FHIT: variants seen among roughly 807,000 people sequenced by gnomAD.
FHIT encodes the protein bis(5'-adenosyl)-triphosphatase.
Under a neutral mutation model 17.9 loss-of-function variants are expected in FHIT, and 19 were observed. The ratio of observed to expected loss-of-function variants is 1.06; its 90% CI spans 0.74 to 1.56. The LOEUF is 1.56. Ranked by LOEUF, FHIT falls within the 40% of genes most tolerant of loss-of-function variation. FHIT has a pLI of 0.00. For synonymous variants in FHIT, 81 were observed against 69.7 expected, an observed-to-expected ratio of 1.16 and a Z score of -0.81; for missense variants, 248 against 189.2, an observed-to-expected ratio of 1.31 and a Z score of -1.82.
rs1576537696 is a variant in FHIT at position 60,361,615 on chromosome 3, G to A, written c.103+175245C>T. 2.0e-5 allele frequency among the ~76,000 whole-genome samples: 3 copies of A among 152,234 alleles called. No homozygotes were observed. In the South Asian group the frequency reaches 6.2e-4, roughly 32 times the overall value. On this transcript the variant is annotated intron_variant, in intron 5 of 9. Transcript: ENST00000492590. ...GGCAACTACTGAGTCAGTTATGTAG[G>A]TAAAGGGGTAGAGATTCAAGAATCA...
chr3:60,058,205 C>A (rs1037427548), intron 5 of FHIT, among the ~76,000 whole-genome samples: 2 of 134,992 alleles, frequency 1.5e-5, no homozygotes, highest in African/African-American at 5.6e-5. Flanking sequence ...AGTGGCTCGA[C>A]TCGATCTCGG....
intron 4 of FHIT, among the ~76,000 whole-genome samples, chr3:60,611,425 A>G (rs547615877): frequency 6.6e-6 from 1 of 152,312 alleles, no homozygotes; most frequent in South Asian, 2.1e-4. Flanking sequence ...TTTATAACCT[A>G]CAGCTCAAGG....
At chr3:60,021,426 C>T (rs1441849719) in intron 5 of FHIT, among the ~76,000 whole-genome samples, 2 of 152,160 alleles carry the variant, frequency 1.3e-5, no homozygotes, top group African/African-American at 4.8e-5. Context: ...GGTACAGATT[C>T]TTTGGTTGAA....
chr3:61,210,055 G>C (rs1348791045), intron 1 of FHIT, among the ~76,000 whole-genome samples: 1 of 152,234 alleles, frequency 6.6e-6, no homozygotes, highest in African/African-American at 2.4e-5. Context: ...CTGCAGGTCT[G>C]TTGGAGTTTC....
At chr3:59,848,121 G>T (rs377149494) in intron 8 of FHIT, among the ~76,000 whole-genome samples, 1 of 152,064 alleles carries the variant, frequency 6.6e-6, no homozygotes, top group African/African-American at 2.4e-5. Context: ...TTTGCCCACC[G>T]TGGCTCCCAC....
intron 5 of FHIT, among the ~76,000 whole-genome samples, chr3:60,170,235 G>C (rs916402907): frequency 3.3e-5 from 5 of 152,062 alleles, no homozygotes; most frequent in African/African-American, 1.2e-4. Context: ...CAAGTGGCTG[G>C]GCAACTGTCC....
At chr3:60,504,439 A>T (rs920243954) in intron 5 of FHIT, among the ~76,000 whole-genome samples, 4 of 152,130 alleles carry the variant, frequency 2.6e-5, no homozygotes. Context: ...TCAAAAAAAA[A>T]AAAATTTTTT....
chr3:60,038,901 C>T (rs1158573717), intron 5 of FHIT, among the ~76,000 whole-genome samples: 1 of 152,146 alleles, frequency 6.6e-6, no homozygotes, highest in African/African-American at 2.4e-5. Flanking sequence ...TAACAAACTA[C>T]CCTAAAACTA....
chr3:60,949,647 G>T (rs1708792554), intron 3 of FHIT, among the ~76,000 whole-genome samples: 1 of 152,072 alleles, frequency 6.6e-6, no homozygotes, highest in African/African-American at 2.4e-5. Flanking sequence ...AAGATATTTT[G>T]CATCTTGCAG....
intron 1 of FHIT, among the ~76,000 whole-genome samples, chr3:61,202,644 C>G (rs1244689977): frequency 1.3e-5 from 2 of 151,986 alleles, no homozygotes; most frequent in Non-Finnish European, 2.9e-5. Context: ...TGCATACTTT[C>G]ATATATCAGA....
rs980405593 is a variant in FHIT at position 60,387,547 on chromosome 3, G to A, written c.103+149313C>T. Among the ~76,000 whole-genome samples, 43 of 152,026 alleles carry A rather than the reference G, an allele frequency of 2.8e-4. 1 individual carries two copies. The highest frequency in any genetic ancestry group is 2.8e-3 in the Admixed American group (42 of 15,256). On this transcript the variant is annotated intron_variant, in intron 5 of 9. Transcript: ENST00000492590. ...ATTTAACACAAGTCAAAAGCATTTG[G>A]AAACAATAATCATCATCCTGAATTC...
intron 4 of FHIT, among the ~76,000 whole-genome samples, chr3:60,757,993 C>T (rs1007649849): frequency 5.9e-5 from 9 of 152,168 alleles, no homozygotes; most frequent in Non-Finnish European, 1.0e-4. Flanking sequence ...TGGACTACGG[C>T]CCAGGGCTCT....
At chr3:59,904,410 T>A (rs1704488166) in intron 8 of FHIT, among the ~76,000 whole-genome samples, 1 of 152,062 alleles carries the variant, frequency 6.6e-6, no homozygotes, top group Non-Finnish European at 1.5e-5. Context: ...ATCAAAATCT[T>A]CCACCTCAAC....
chr3:60,339,870 C>A (rs1260859517), intron 5 of FHIT, among the ~76,000 whole-genome samples: 1 of 152,102 alleles, frequency 6.6e-6, no homozygotes, highest in African/African-American at 2.4e-5. Context: ...TTCTCCTGAA[C>A]CATTGCAGAC....
At chr3:61,177,943 T>C (rs1391465267) in intron 2 of FHIT, among the ~76,000 whole-genome samples, 1 of 152,190 alleles carries the variant, frequency 6.6e-6, no homozygotes, top group Admixed American at 6.5e-5. Context: ...TTCTGGGTTT[T>C]TTTTCCTTCT....
intron 3 of FHIT, among the ~76,000 whole-genome samples, chr3:60,995,569 AC>A (rs2030612929): frequency 1.3e-5 from 2 of 152,062 alleles, no homozygotes; most frequent in African/African-American, 4.8e-5. Flanking sequence ...CTCTCCCCAG[AC>A]CGTGACCTGG....
At chr3:59,817,804 T>C (rs1002779109) in intron 8 of FHIT, among the ~76,000 whole-genome samples, 2 of 152,064 alleles carry the variant, frequency 1.3e-5, no homozygotes, top group Non-Finnish European at 2.9e-5. Flanking sequence ...AGAAAAAACA[T>C]TCTCATATTT....
chr3:60,435,734 A>T (rs1274421392), intron 5 of FHIT, among the ~76,000 whole-genome samples: 2 of 152,070 alleles, frequency 1.3e-5, no homozygotes, highest in African/African-American at 4.8e-5. Context: ...GGTTTGTTGT[A>T]CAGATTATTT....
Position 60,569,755 on chromosome 3 carries a change from A to ATATATATATATATATATAT in FHIT, c.-17-32777_-17-32776insATATATATATATATATATA. 1.2e-3 allele frequency among the ~76,000 whole-genome samples: 92 copies of ATATATATATATATATATAT among 77,302 alleles called. 1 individual carries two copies. The highest frequency in any genetic ancestry group is 4.2e-3 in the African/African-American group (87 of 20,632). 50.7% of individuals were successfully genotyped at this position (77,302 alleles called of 152,430 possible). Reference sequence around the variant, plus strand: ...TATATATATATATATATATATATATATTTTTTTTTTTTTTAGACAGAGTTT... The same window carrying ATATATATATATATATATAT: ...TATATATATATATATATATATATATATATATATATATATATATATTTTTTTTTTTTTTTAGACAGAGTTT... On this transcript the variant is annotated intron_variant, in intron 4 of 9. Coordinates refer to ENST00000492590, the MANE Select transcript of FHIT (RefSeq NM_002012.4).
Sources: allele counts gnomAD v4.1 joint callset (sites outside exome capture counted in the v4.1 genomes callset), GRCh38; gene constraint gnomAD v4.1.1; transcripts MANE v1.5; gene names NCBI Gene and HGNC (gene_info 2026-07-23, HGNC 2026-07-21).